Variants in SERINC5 observed in about 807,000 individuals in gnomAD.
The protein encoded by SERINC5 is serine incorporator 5, also known as chromosome 5 open reading frame 12.
In SERINC5, 41 loss-of-function variants were observed where a neutral mutation model predicts 63.1. The ratio of observed to expected loss-of-function variants is 0.65; its 90% CI spans 0.51 to 0.84. The LOEUF (loss-of-function observed/expected upper bound fraction) is 0.84, where lower values mean the gene tolerates loss of function less well. Ranked by LOEUF, SERINC5 falls within the 40% of genes least tolerant of loss-of-function variation. The pLI, the probability that SERINC5 is intolerant of heterozygous loss-of-function variation, is 0.00. For synonymous variants in SERINC5, 222 were observed against 215.2 expected, an observed-to-expected ratio of 1.03 and a Z score of -0.28; for missense variants, 523 against 573.0, an observed-to-expected ratio of 0.91 and a Z score of 0.89.
intron 1 of SERINC5, among the ~76,000 whole-genome samples, chr5:80,223,348 A>C (rs934397736): frequency 1.3e-5 from 2 of 152,174 alleles, no homozygotes. Context: ...AATTATCTCT[A>C]GATTACTCAT....
chr5:80,211,044 G>A (rs181094890), intron 1 of SERINC5, among the ~76,000 whole-genome samples: 1 of 152,288 alleles, frequency 6.6e-6, no homozygotes, highest in Admixed American at 6.5e-5. Context: ...AACCCTGCAA[G>A]AGGTAACTGG....
intron 2 of SERINC5, among the ~76,000 whole-genome samples, chr5:80,181,416 T>TTGTGTGTGTGTGTGTGTGTGTGTG (rs70982028): frequency 3.9e-4 from 56 of 145,442 alleles, no homozygotes; most frequent in African/African-American, 1.3e-3. Context: ...TCAGCTAATT[T>TTGTGTGTGTGTGTGTGTGTGTGTG]TGTGTGTGTG....
At chr5:80,194,012 C>G (rs1215087011) in intron 2 of SERINC5, among the ~76,000 whole-genome samples, 1 of 152,176 alleles carries the variant, frequency 6.6e-6, no homozygotes, top group African/African-American at 2.4e-5. Context: ...TCCCTCAGTT[C>G]TACAATGGGC....
chr5:80,188,304 AAT>A (rs1454302773), intron 2 of SERINC5, among the ~76,000 whole-genome samples: 3 of 150,564 alleles, frequency 2.0e-5, no homozygotes, highest in East Asian at 1.9e-4. Context: ...AAAAAAAAAA[AAT>A]CTAACTGCAA....
At chr5:80,241,319 A>C (rs1428184936) in intron 1 of SERINC5, among the ~76,000 whole-genome samples, 1 of 152,016 alleles carries the variant, frequency 6.6e-6, no homozygotes, top group Non-Finnish European at 1.5e-5. Flanking sequence ...AAATACAAAA[A>C]TTAGCCAGGC....
intron 2 of SERINC5, among the ~76,000 whole-genome samples, chr5:80,192,458 T>TA (rs1386111563): frequency 6.6e-6 from 1 of 150,830 alleles, no homozygotes; most frequent in Non-Finnish European, 1.5e-5. Flanking sequence ...TAGCAGAAAA[T>TA]AAAGTACCTT....
intron 11 of SERINC5, among the ~76,000 whole-genome samples, chr5:80,131,543 A>C (rs1418307304): frequency 6.7e-6 from 1 of 150,362 alleles, no homozygotes; most frequent in African/African-American, 2.4e-5. Context: ...GGGAAGGAGG[A>C]GCATACCTCC....
At chr5:80,113,681 TA>T (rs1580007887) in intron 11 of SERINC5, 1 of 214,580 alleles carries the variant, frequency 4.7e-6, no homozygotes, top group Admixed American at 4.9e-5. Flanking sequence ...AAAACCCTGA[TA>T]AACCCATCAG....
intron 1 of SERINC5, among the ~76,000 whole-genome samples, chr5:80,218,624 G>T (rs909535246): frequency 2.0e-5 from 3 of 150,488 alleles, no homozygotes; most frequent in African/African-American, 7.3e-5. Flanking sequence ...GCAGTGAGCC[G>T]AGATCACGCC....
At chr5:80,208,224 G>C (rs187505003) in intron 1 of SERINC5, among the ~76,000 whole-genome samples, 1 of 152,236 alleles carries the variant, frequency 6.6e-6, no homozygotes, top group African/African-American at 2.4e-5. Flanking sequence ...TGGTAGTGAT[G>C]TGTCAAGGTA....
intron 1 of SERINC5, among the ~76,000 whole-genome samples, chr5:80,209,550 G>A (rs950485751): frequency 2.0e-5 from 3 of 152,144 alleles, no homozygotes; most frequent in South Asian, 2.1e-4. Flanking sequence ...CAGGCAGTAC[G>A]CCCTGCTATT....
At chr5:80,134,594 G>C (rs1246642472), downstream of SERINC5, among the ~76,000 whole-genome samples, 1 of 152,232 alleles carries the variant, frequency 6.6e-6, no homozygotes, top group Non-Finnish European at 1.5e-5. Context: ...AACAAGGACA[G>C]CTTGGAGGTT....
chr5:80,135,326 G>A (rs1369620599), downstream of SERINC5, among the ~76,000 whole-genome samples: 7 of 152,130 alleles, frequency 4.6e-5, no homozygotes, highest in Admixed American at 2.0e-4. Context: ...GAGCCACCAC[G>A]CCAGGCCCAA....
At chr5:80,132,605 T>A (rs1386093563) in intron 11 of SERINC5, among the ~76,000 whole-genome samples, 3 of 151,956 alleles carry the variant, frequency 2.0e-5, no homozygotes, top group Admixed American at 6.6e-5. Flanking sequence ...AGTTCTTTTT[T>A]TTTTTATTTC....
At chr5:80,115,027 CCTGG>C (rs1475874292) in intron 11 of SERINC5, among the ~76,000 whole-genome samples, 2 of 151,990 alleles carry the variant, frequency 1.3e-5, no homozygotes, top group African/African-American at 2.4e-5. Flanking sequence ...GCCCAACCCT[CCTGG>C]CTCAATGCCA....
chr5:80,188,282 C>CAAAA (rs34863168), intron 2 of SERINC5, among the ~76,000 whole-genome samples: 5 of 82,792 alleles, frequency 6.0e-5, no homozygotes, highest in Non-Finnish European at 9.6e-5. Context: ...GACTCCGTCT[C>CAAAA]AAAAAAAAAA....
At chr5:80,187,597 T>C (rs1748892341) in intron 2 of SERINC5, among the ~76,000 whole-genome samples, 1 of 152,166 alleles carries the variant, frequency 6.6e-6, no homozygotes, top group South Asian at 2.1e-4. Flanking sequence ...TTGAGGCCCT[T>C]TGGGGGATCT....
intron 11 of SERINC5, 158 bp from the exon 12 acceptor site, chr5:80,143,968 A>C: frequency 6.7e-5 from 58 of 867,736 alleles, no homozygotes; most frequent in East Asian, 8.2e-5. Context: ...AAACATTCTC[A>C]TCACCCCCAA....
Position 80,141,758 on chromosome 5 carries a change from GATGA to G in SERINC5, c.*1901_*1904del, listed in dbSNP as rs1346235352. Reference sequence around the variant, plus strand: ...CACGGCTTTTCATTTTGCGACTCCAGATGAATCTTTTAACTGCTGAGTACAGAGC... The same window carrying G: ...CACGGCTTTTCATTTTGCGACTCCAGATCTTTTAACTGCTGAGTACAGAGC... On this transcript the variant is annotated 3_prime_UTR_variant, in exon 12 of 12. Transcript: ENST00000507668. 4 of 985,238 alleles carry G rather than the reference GATGA, an allele frequency of 4.1e-6. No homozygotes were observed. In the African/African-American group the frequency reaches 7.0e-5, roughly 17 times the overall value. The allele number at this position is 985,238 out of a possible 1,614,324, so 61.0% of individuals were successfully genotyped here.
Sources: gnomAD v4.1 joint callset for allele counts (sites outside exome capture counted in the v4.1 genomes callset) on GRCh38, gnomAD v4.1.1 for gene constraint, MANE v1.5 for transcripts, NCBI Gene and HGNC (gene_info 2026-07-23, HGNC 2026-07-21) for gene names.